MAGI2: variants seen among roughly 807,000 people sequenced by gnomAD.
The protein encoded by MAGI2 is membrane associated guanylate kinase, WW and PDZ domain containing 2.
In MAGI2, 35 loss-of-function variants were observed where a neutral mutation model predicts 133.3. The ratio of observed to expected loss-of-function variants is 0.26; its 90% CI spans 0.20 to 0.35. The LOEUF is 0.35. Among genes scored for constraint, MAGI2 ranks in the 10% least tolerant of loss-of-function variants. The pLI is 1.00. For synonymous variants in MAGI2, 729 were observed against 710.6 expected (o/e 1.03, Z -0.41); for missense variants, 1,636 against 1,863.4 (o/e 0.88, Z 2.25).
intron 1 of MAGI2, among the ~76,000 whole-genome samples, chr7:79,370,982 T>A (rs914876815): frequency 1.3e-5 from 2 of 152,058 alleles, no homozygotes; most frequent in Non-Finnish European, 2.9e-5. Flanking sequence ...AATATAGATA[T>A]CCTTGTCTAG....
At chr7:79,346,833 C>T (rs1330934802) in intron 1 of MAGI2, among the ~76,000 whole-genome samples, 3 of 151,914 alleles carry the variant, frequency 2.0e-5, no homozygotes, top group East Asian at 3.9e-4. Context: ...TAGAGCTGTT[C>T]GTTCACACAA....
At chr7:78,798,700 A>G (rs1401273107) in intron 2 of MAGI2, among the ~76,000 whole-genome samples, 1 of 152,102 alleles carries the variant, frequency 6.6e-6, no homozygotes, top group African/African-American at 2.4e-5. Flanking sequence ...TTTCTTTGAC[A>G]TTTATGGACC....
At chr7:78,860,199 T>C (rs577716976) in intron 2 of MAGI2, among the ~76,000 whole-genome samples, 53 of 152,328 alleles carry the variant, frequency 3.5e-4, no homozygotes, top group Admixed American at 2.5e-3. Context: ...CTCCTTTAGC[T>C]TGGAGAAGTT....
intron 3 of MAGI2, among the ~76,000 whole-genome samples, chr7:78,619,907 G>A (rs1807543834): frequency 6.6e-6 from 1 of 151,874 alleles, no homozygotes; most frequent in Non-Finnish European, 1.5e-5. Flanking sequence ...ACACCCAAAT[G>A]CATGGCCTAG....
At chr7:78,157,632 C>CT (rs1824526606) in intron 16 of MAGI2, among the ~76,000 whole-genome samples, 1 of 152,118 alleles carries the variant, frequency 6.6e-6, no homozygotes, top group Admixed American at 6.6e-5. Flanking sequence ...TGGCCATATA[C>CT]TTTTTATTTT....
chr7:78,652,220 C>T (rs1811652367), intron 2 of MAGI2, among the ~76,000 whole-genome samples: 1 of 152,148 alleles, frequency 6.6e-6, no homozygotes, highest in South Asian at 2.1e-4. Context: ...TCTCCAGTCT[C>T]AAGTGATTTC....
At position 79,191,402 on chromosome 7, in the gene MAGI2, C is replaced by CTTTTTTTT. The variant is rs71095386; in HGVS notation, c.302-184204_302-184197dup. On this transcript the variant is annotated intron_variant, in intron 1 of 21. Coordinates refer to ENST00000354212, the MANE Select transcript of MAGI2 (RefSeq NM_012301.4). ...TCTTTTTTTCTTTTTCTTTTTCTTTCTTTTTTTTTTTTTTTTTTTTTTTTT... is the reference window on the plus strand; with the variant it reads ...TCTTTTTTTCTTTTTCTTTTTCTTTCTTTTTTTTTTTTTTTTTTTTTTTTTTTTTTTTT... Among the ~76,000 whole-genome samples the CTTTTTTTT allele has an allele frequency of 3.2e-3, 72 of 22,328 alleles. 9 individuals carry two copies. The highest frequency in any genetic ancestry group is 0.011 in the East Asian group (7 of 656). 14.6% of individuals were successfully genotyped at this position (22,328 alleles called of 152,430 possible).
At chr7:79,446,209 TA>T (rs1310549798) in intron 1 of MAGI2, among the ~76,000 whole-genome samples, 1 of 152,114 alleles carries the variant, frequency 6.6e-6, no homozygotes, top group Non-Finnish European at 1.5e-5. Flanking sequence ...CAGATATACC[TA>T]ATGTTAAATG....
intron 9 of MAGI2, among the ~76,000 whole-genome samples, chr7:78,304,792 G>A (rs1798116304): frequency 6.6e-6 from 1 of 152,156 alleles, no homozygotes; most frequent in Non-Finnish European, 1.5e-5. Context: ...TTCCCTGATA[G>A]GAGGCTATTT....
chr7:78,095,872 A>G (rs1005192121), intron 20 of MAGI2, among the ~76,000 whole-genome samples: 11 of 152,176 alleles, frequency 7.2e-5, no homozygotes, highest in African/African-American at 2.7e-4. Flanking sequence ...TAGGCTGGGA[A>G]CTTATATTAT....
intron 6 of MAGI2, among the ~76,000 whole-genome samples, chr7:78,400,140 A>G (rs1796723553): frequency 6.6e-6 from 1 of 152,202 alleles, no homozygotes; most frequent in African/African-American, 2.4e-5. Context: ...TATAAAATGT[A>G]TGGACCAATA....
chr7:78,651,832 C>T (rs1811607735), intron 2 of MAGI2, among the ~76,000 whole-genome samples: 2 of 151,960 alleles, frequency 1.3e-5, no homozygotes, highest in African/African-American at 4.8e-5. Flanking sequence ...ATCCCCCTGC[C>T]TTCTCTGAAA....
chr7:78,286,717 C>T (rs977842662), intron 9 of MAGI2, among the ~76,000 whole-genome samples: 6 of 152,058 alleles, frequency 3.9e-5, no homozygotes, highest in African/African-American at 1.4e-4. Context: ...AAGAGGGAAG[C>T]TGCAGCTCAA....
chr7:78,658,978 G>A (rs185922116), intron 2 of MAGI2, among the ~76,000 whole-genome samples: 82 of 152,128 alleles, frequency 5.4e-4, no homozygotes, highest in African/African-American at 2.0e-3. Context: ...TTTATCCCAG[G>A]GAAATGACAA....
intron 2 of MAGI2, among the ~76,000 whole-genome samples, chr7:78,967,820 T>C (rs1803459132): frequency 6.6e-6 from 1 of 151,984 alleles, no homozygotes; most frequent in Non-Finnish European, 1.5e-5. Context: ...CCTTATGTCA[T>C]TGACATTTGT....
At chr7:78,225,547 A>T (rs73150224) in intron 10 of MAGI2, among the ~76,000 whole-genome samples, 12,415 of 152,122 alleles carry the variant, frequency 0.082, 671 homozygotes, top group Non-Finnish European at 0.12. Context: ...GGGTTTTACC[A>T]GAAAAATGTT....
At chr7:78,926,195 CT>C (rs1306101139) in intron 2 of MAGI2, among the ~76,000 whole-genome samples, 1 of 151,934 alleles carries the variant, frequency 6.6e-6, no homozygotes, top group African/African-American at 2.4e-5. Context: ...GTTTATTTTT[CT>C]TTATGACTGC....
chr7:78,730,164 A>G (rs1219936546), intron 2 of MAGI2, among the ~76,000 whole-genome samples: 1 of 152,178 alleles, frequency 6.6e-6, no homozygotes, highest in Non-Finnish European at 1.5e-5. Context: ...AGACATTTAT[A>G]TTTTCCTATT....
In MAGI2 at chr7:78,734,864, C is replaced by T. The variant is rs558319057; in HGVS notation, c.419-107625G>A. On this transcript the variant is annotated intron_variant, in intron 2 of 21. Coordinates refer to ENST00000354212, the MANE Select transcript of MAGI2 (RefSeq NM_012301.4). ...ATCCCAGGAGAGATCAGCGAAACCACTGAACTAAGCCCAGCCTAGTTCAGT... is the reference window on the plus strand; with the variant it reads ...ATCCCAGGAGAGATCAGCGAAACCATTGAACTAAGCCCAGCCTAGTTCAGT... 5.9e-5 allele frequency among the ~76,000 whole-genome samples: 9 copies of T among 152,228 alleles called. No individual in the cohort carries two copies. The South Asian group carries it at 1.9e-3, about 32-fold the overall frequency.
Sources: gnomAD v4.1 joint callset for allele counts (sites outside exome capture counted in the v4.1 genomes callset) on GRCh38, gnomAD v4.1.1 for gene constraint, MANE v1.5 for transcripts, NCBI Gene and HGNC (gene_info 2026-07-23, HGNC 2026-07-21) for gene names.